ZFYVE28: variants seen among roughly 807,000 people sequenced by gnomAD.
ZFYVE28 encodes the protein zinc finger FYVE-type containing 28.
A neutral mutation model predicts 82.1 loss-of-function variants in ZFYVE28; 40 were observed. That is an observed-to-expected ratio of 0.49 (90% confidence interval 0.38 to 0.63). ZFYVE28 has a LOEUF of 0.63. Among genes scored for constraint, ZFYVE28 ranks in the 30% least tolerant of loss-of-function variants. The pLI, the probability that ZFYVE28 is intolerant of heterozygous loss-of-function variation, is 0.00. For synonymous variants in ZFYVE28, 612 were observed against 546.1 expected, an observed-to-expected ratio of 1.12 and a Z score of -1.68; for missense variants, 1,321 against 1,242.1, an observed-to-expected ratio of 1.06 and a Z score of -0.96.
rs377128813 is a variant in ZFYVE28 at position 2,305,326 on chromosome 4, G to A, written c.1014C>T (p.Asp338=). 1.5e-4 allele frequency: 235 copies of A among 1,613,108 alleles called. No individual in the cohort carries two copies. The highest frequency in any genetic ancestry group is 3.3e-4 in the Middle Eastern group (2 of 6,062). ...DAELACSMQY[D]DQELEQLSRM... ...GGCTGAGCTGCTCCAGCTCCTGGTCGTCGTACTGCATGGAGCAGGCCAGCT... is the reference window on the plus strand; with the variant it reads ...GGCTGAGCTGCTCCAGCTCCTGGTCATCGTACTGCATGGAGCAGGCCAGCT... The change falls in exon 8 of 13, where the codon GAC becomes GAT. Residue 338 remains aspartate (D), a synonymous_variant. Coordinates refer to ENST00000290974, the MANE Select transcript of ZFYVE28 (RefSeq NM_020972.3).
rs144009538 is a variant in ZFYVE28, at chr4:2,298,243, G to A, written c.2051+6046C>T. ...ATGAGCGGTGACAGTGGGGTGACAC[G>A]GTGACACAGTGACACAGCGGGCTGT... On this transcript the variant is annotated intron_variant, in intron 8 of 12. Transcript: ENST00000290974. Among the ~76,000 whole-genome samples, 1,014 of 151,212 alleles carry A rather than the reference G, an allele frequency of 6.7e-3. 13 individuals carry two copies. Among genetic ancestry groups the A allele is most frequent in the African/African-American group, 0.023 (944 of 41,112 alleles).
rs537795569 is a variant in ZFYVE28, at chr4:2,279,580, C to T, written c.2052-5364G>A. On this transcript the variant is annotated intron_variant, in intron 8 of 12. Transcript: ENST00000290974. Reference sequence around the variant, plus strand: ...GGATCACGAGGTCAGGAGATCGAGACCATCCTGGCTAACACGATGAAACCC... The same window carrying T: ...GGATCACGAGGTCAGGAGATCGAGATCATCCTGGCTAACACGATGAAACCC... Among the ~76,000 whole-genome samples the T allele has an allele frequency of 2.8e-4, 42 of 152,214 alleles. No individual in the cohort carries two copies. The South Asian group carries it at 8.7e-3, about 32-fold the overall frequency.
chr4:2,296,384 C>T (rs886672185), intron 8 of ZFYVE28, among the ~76,000 whole-genome samples: 2 of 152,228 alleles, frequency 1.3e-5, no homozygotes, highest in Non-Finnish European at 2.9e-5. Context: ...CTGTGCACGG[C>T]GGACCAGCCC....
In ZFYVE28 at chr4:2,341,045, GGGAGAT is replaced by G. The variant is rs1441709221; in HGVS notation, c.318+427_318+432del. On this transcript the variant is annotated intron_variant, in intron 3 of 12. Coordinates refer to ENST00000290974, the MANE Select transcript of ZFYVE28 (RefSeq NM_020972.3). This position sits in a 1 kb window ranked among gnomAD's most constrained non-coding sequence, Gnocchi z 4.5. ...CTCTCGGTGCCTCAGTTTCCTGATTGGGAGATGAAGATGAAGATGACAGGCTATTGC... is the reference window on the plus strand; with the variant it reads ...CTCTCGGTGCCTCAGTTTCCTGATTGGAAGATGAAGATGACAGGCTATTGC... Among the ~76,000 whole-genome samples the G allele has an allele frequency of 6.6e-6, 1 of 152,098 alleles. No homozygotes were observed. The highest frequency in any genetic ancestry group is 6.5e-5 in the Admixed American group (1 of 15,288).
In ZFYVE28 at chr4:2,270,867, G is replaced by T; in HGVS notation, c.2533-11C>A. On this transcript the variant is annotated splice_polypyrimidine_tract_variant and intron_variant, in intron 12 of 12. Coordinates refer to ENST00000290974, the MANE Select transcript of ZFYVE28 (RefSeq NM_020972.3). ...GCGCGAGCAGAAGATCTGGAATGGG[G>T]TTGGGGCAGTGAGGGTCTGCGGCAG... 1 of 1,612,296 alleles carries T rather than the reference G, an allele frequency of 6.2e-7. No homozygotes were observed. Among genetic ancestry groups the T allele is most frequent in the Non-Finnish European group, 8.5e-7 (1 of 1,179,882 alleles).
In ZFYVE28 at chr4:2,376,894, C is replaced by T. The variant is rs1001523851; in HGVS notation, c.40-22821G>A. Among the ~76,000 whole-genome samples, 12 of 151,990 alleles carry T rather than the reference C, an allele frequency of 7.9e-5. 1 individual carries two copies. Among genetic ancestry groups the T allele is most frequent in the African/African-American group, 2.2e-4 (9 of 41,366 alleles). Reference sequence around the variant, plus strand: ...TGAGCCAAGATTGCACCACTGTACACCAGCCCAGGCAACAGAGCGAGACCC... The same window carrying T: ...TGAGCCAAGATTGCACCACTGTACATCAGCCCAGGCAACAGAGCGAGACCC... On this transcript the variant is annotated intron_variant, in intron 1 of 12. Coordinates refer to ENST00000290974, the MANE Select transcript of ZFYVE28 (RefSeq NM_020972.3).
At chr4:2,312,019 A>T (rs1262965304) in intron 7 of ZFYVE28, among the ~76,000 whole-genome samples, 1 of 152,226 alleles carries the variant, frequency 6.6e-6, no homozygotes, top group Non-Finnish European at 1.5e-5. Flanking sequence ...GAATTTAAAC[A>T]GATAATTGGA....
intron 1 of ZFYVE28, among the ~76,000 whole-genome samples, chr4:2,367,947 G>A (rs1428345588): frequency 6.6e-6 from 1 of 152,136 alleles, no homozygotes; most frequent in African/African-American, 2.4e-5. Flanking sequence ...GGGCGACTTG[G>A]TGCGTGCCAG....
In ZFYVE28 at chr4:2,372,082, G is replaced by A. The variant is rs115790784; in HGVS notation, c.40-18009C>T. ...GTGGAAGCCTGGAGGGGCGTGCAGC[G>A]TGTGGCCGGTTCTGGTGCGCATGGC... On this transcript the variant is annotated intron_variant, in intron 1 of 12. Coordinates refer to ENST00000290974, the MANE Select transcript of ZFYVE28 (RefSeq NM_020972.3). This position sits in a 1 kb window ranked among gnomAD's most constrained non-coding sequence, Gnocchi z 5.2. 6.6e-3 allele frequency among the ~76,000 whole-genome samples: 1,008 copies of A among 152,324 alleles called. 14 individuals carry two copies. Among genetic ancestry groups the A allele is most frequent in the African/African-American group, 0.023 (945 of 41,558 alleles).
intron 1 of ZFYVE28, among the ~76,000 whole-genome samples, chr4:2,356,059 G>A (rs996605132): frequency 1.3e-5 from 2 of 152,158 alleles, no homozygotes; most frequent in South Asian, 4.1e-4. Flanking sequence ...GTGTGGCCTT[G>A]GCCAGGGTCA....
At chr4:2,324,704 CT>C (rs1719616001) in intron 6 of ZFYVE28, 1 of 169,086 alleles carries the variant, frequency 5.9e-6, no homozygotes, top group African/African-American at 2.4e-5. Flanking sequence ...GTTTTAATAC[CT>C]TCACGAATCC....
At chr4:2,292,836 G>C (rs1042123741) in intron 8 of ZFYVE28, among the ~76,000 whole-genome samples, 2 of 152,148 alleles carry the variant, frequency 1.3e-5, no homozygotes, top group Admixed American at 1.3e-4. Flanking sequence ...CCAGAAAAAG[G>C]CATGACAAGA....
chr4:2,318,308 A>T (rs1254070519), intron 7 of ZFYVE28, among the ~76,000 whole-genome samples: 1 of 152,208 alleles, frequency 6.6e-6, no homozygotes, highest in South Asian at 2.1e-4. Flanking sequence ...CTGTAATCCC[A>T]GCACTTTGGG....
At chr4:2,415,868 T>C (rs561916050) in intron 1 of ZFYVE28, among the ~76,000 whole-genome samples, 2 of 152,332 alleles carry the variant, frequency 1.3e-5, no homozygotes, top group South Asian at 4.1e-4. Flanking sequence ...ATTTCTCAAA[T>C]AAGAGACAGC....
intron 2 of ZFYVE28, among the ~76,000 whole-genome samples, chr4:2,345,947 T>C (rs1173491016): frequency 6.6e-6 from 1 of 152,020 alleles, no homozygotes; most frequent in East Asian, 1.9e-4. Context: ...AGCAAAAATA[T>C]CTTTCAAAAT....
Position 2,300,337 on chromosome 4 carries a change from A to G in ZFYVE28, c.2051+3952T>C, listed in dbSNP as rs1282886496. 6.6e-6 allele frequency among the ~76,000 whole-genome samples: 1 copy of G among 152,222 alleles called. No homozygotes were observed. Among genetic ancestry groups the G allele is most frequent in the East Asian group, 1.9e-4 (1 of 5,206 alleles). ...CAAAGAGGTAAGGCTAGCTGAAGGGAAAATAAGCTTTTAAAAAATGTCAAC... is the reference window on the plus strand; with the variant it reads ...CAAAGAGGTAAGGCTAGCTGAAGGGGAAATAAGCTTTTAAAAAATGTCAAC... On this transcript the variant is annotated intron_variant, in intron 8 of 12. Transcript: ENST00000290974. The surrounding 1 kb of genome is among the most constrained non-coding windows in gnomAD (Gnocchi z 4.6).
rs1253903632 is a variant in ZFYVE28, at chr4:2,293,609, T to C, written c.2051+10680A>G. ...TCTACTAAAAATACAAAAAATTAGC[T>C]GGGCGTAGTGGCAGGCACCTGTAGT... On this transcript the variant is annotated intron_variant, in intron 8 of 12. Transcript: ENST00000290974. Among the ~76,000 whole-genome samples the C allele has an allele frequency of 4.6e-5, 7 of 151,596 alleles. No individual in the cohort carries two copies. In the South Asian group the frequency reaches 1.5e-3, roughly 32 times the overall value.
At chr4:2,350,417 T>G (rs1578204654) in intron 2 of ZFYVE28, among the ~76,000 whole-genome samples, 1 of 150,834 alleles carries the variant, frequency 6.6e-6, no homozygotes, top group East Asian at 1.9e-4. Context: ...TGAGCCGAGA[T>G]CGCGCCACTG....
chr4:2,343,495 A>C (rs1027638513), intron 2 of ZFYVE28: 1 of 152,258 alleles, frequency 6.6e-6, no homozygotes, highest in East Asian at 1.9e-4. Context: ...AAAAAATAAA[A>C]ATAAAATTCA....
Sources: gnomAD v4.1 joint callset for allele counts (sites outside exome capture counted in the v4.1 genomes callset) on GRCh38, gnomAD v4.1.1 for gene constraint, Gnocchi (gnomAD v3.1) non-coding constraint, MANE v1.5 for transcripts, NCBI Gene and HGNC (gene_info 2026-07-23, HGNC 2026-07-21) for gene names.